Variants in BICD1 observed in about 807,000 individuals in gnomAD.
BICD1 encodes BICD cargo adaptor 1.
In BICD1, 35 loss-of-function variants were observed where a neutral mutation model predicts 92.5. The observed-to-expected ratio is 0.38, with a 90% CI of 0.29 to 0.50. The LOEUF (loss-of-function observed/expected upper bound fraction) is 0.50. Ranked by LOEUF, BICD1 falls within the 20% of genes least tolerant of loss-of-function variation. The pLI is 0.93. For missense variants in BICD1, 950 were observed against 1,189.8 expected (o/e 0.80, Z 2.97); for synonymous variants, 429 against 465.1 (o/e 0.92, Z 1.00).
In BICD1 at chr12:32,293,596, C is replaced by T. The variant is rs1947780486; in HGVS notation, c.427-398C>T. ...CCACCTACCTTGACCTCCCAAAGTG[C>T]TGGGATTACAGGTGTGAGCCACAGC... is the stretch of plus-strand genomic sequence containing the variant. On this transcript the variant is annotated intron_variant, in intron 2 of 9. Coordinates refer to ENST00000652176, the MANE Select transcript of BICD1 (RefSeq NM_001714.4). 2.6e-5 allele frequency among the ~76,000 whole-genome samples: 4 copies of T among 151,952 alleles called. No individual in the cohort carries two copies. In the South Asian group the frequency reaches 8.3e-4, roughly 31 times the overall value.
Position 32,328,328 on chromosome 12 carries a change from A to G in BICD1, c.1873A>G (p.Ile625Val), listed in dbSNP as rs961470910. ...TSDIRKEPMN[I>V]YNLNAIIRDQ... ...TGACATCCGCAAAGAGCCAATGAAT[A>G]TCTACAACCTTAATGCCATAATCCG... Residue 625 changes from isoleucine to valine, a missense_variant, in exon 5 of 10, where the codon ATC becomes GTC. Physicochemically the swap from Ile to Val is conservative, Grantham distance 29. Coordinates refer to ENST00000652176, the MANE Select transcript of BICD1 (RefSeq NM_001714.4). The surrounding 1 kb of genome is among the most constrained non-coding windows in gnomAD (Gnocchi z 4.4). 6 of 1,614,236 alleles carry G rather than the reference A, an allele frequency of 3.7e-6. No homozygotes were observed. The highest frequency in any genetic ancestry group is 3.4e-6 in the Non-Finnish European group (4 of 1,180,034).
chr12:32,138,123 T>A lies in BICD1; in HGVS notation c.213+30579T>A, dbSNP rs376129352. 9.8e-5 allele frequency among the ~76,000 whole-genome samples: 15 copies of A among 152,316 alleles called. No individual in the cohort carries two copies. In the East Asian group the frequency reaches 1.9e-3, roughly 20 times the overall value. On this transcript the variant is annotated intron_variant, in intron 1 of 9. Coordinates refer to ENST00000652176, the MANE Select transcript of BICD1 (RefSeq NM_001714.4). ...CAAATATATAAAGTTTAAAAATAGC[T>A]CGCTTGTGTTCATTGCCTACCACAT...
At chr12:32,330,254 G>A (rs1203517722) in intron 5 of BICD1, among the ~76,000 whole-genome samples, 1 of 152,062 alleles carries the variant, frequency 6.6e-6, no homozygotes, top group Non-Finnish European at 1.5e-5. Context: ...TTTATTTTAT[G>A]TTGTCACTTT....
rs1592692942 is a variant in BICD1 at position 32,337,111 on chromosome 12, G to T, written c.2253-388G>T. 6.6e-6 allele frequency among the ~76,000 whole-genome samples: 1 copy of T among 152,086 alleles called. No individual in the cohort carries two copies. Among genetic ancestry groups the T allele is most frequent in the Admixed American group, 6.6e-5 (1 of 15,254 alleles). On this transcript the variant is annotated intron_variant, in intron 6 of 9. Transcript: ENST00000652176. The surrounding 1 kb of genome is among the most constrained non-coding windows in gnomAD (Gnocchi z 4.7). ...AAAATACAAAAATTAGCTTGGCATG[G>T]TGGCACACTCCTGTAATTCCAGCAA...
intron 1 of BICD1, among the ~76,000 whole-genome samples, chr12:32,152,853 G>C (rs2630578): frequency 0.14 from 21,893 of 152,200 alleles, 1,774 homozygotes; most frequent in East Asian, 0.22. Flanking sequence ...TTATCCAATA[G>C]CTGGATCTGA....
chr12:32,158,137 C>T (rs1943497446), intron 1 of BICD1, among the ~76,000 whole-genome samples: 1 of 139,576 alleles, frequency 7.2e-6, no homozygotes, highest in African/African-American at 2.6e-5. Flanking sequence ...TGGAGTTTCA[C>T]TCTTGTTGCC....
intron 2 of BICD1, among the ~76,000 whole-genome samples, chr12:32,245,846 A>G (rs1304309737): frequency 6.6e-6 from 1 of 151,714 alleles, no homozygotes; most frequent in Non-Finnish European, 1.5e-5. Context: ...TCTGGCCAAC[A>G]TAGTGAAACC....
intron 8 of BICD1, among the ~76,000 whole-genome samples, chr12:32,358,465 A>G (rs12229117): frequency 0.97 from 147,040 of 151,546 alleles, 71,500 homozygotes; most frequent in South Asian, 1. Flanking sequence ...GAGGCCAGGC[A>G]CAGTGGCTCA....
At chr12:32,140,557 A>G (rs1565542026) in intron 1 of BICD1, among the ~76,000 whole-genome samples, 1 of 152,046 alleles carries the variant, frequency 6.6e-6, no homozygotes, top group Non-Finnish European at 1.5e-5. Flanking sequence ...TCTCAGCTCA[A>G]TGCAACCCCG....
At chr12:32,208,878 G>C (rs573778936) in intron 1 of BICD1, among the ~76,000 whole-genome samples, 10 of 151,644 alleles carry the variant, frequency 6.6e-5, no homozygotes, top group African/African-American at 2.2e-4. Flanking sequence ...AGGCTGCAGT[G>C]CAGTGGTGCA....
At chr12:32,132,894 GT>G (rs1296381410) in intron 1 of BICD1, among the ~76,000 whole-genome samples, 2 of 152,168 alleles carry the variant, frequency 1.3e-5, no homozygotes, top group African/African-American at 4.8e-5. Flanking sequence ...AGAGATGATG[GT>G]GGCTTAGACT....
chr12:32,337,658 C>G lies in BICD1; in HGVS notation c.2412C>G (p.Ser804=). 6.2e-7 allele frequency: 1 copy of G among 1,614,092 alleles called. No homozygotes were observed. Among genetic ancestry groups the G allele is most frequent in the Non-Finnish European group, 8.5e-7 (1 of 1,180,022 alleles). Residue 804 remains serine (S), a synonymous_variant, in exon 7 of 10, where the codon TCC becomes TCG. Transcript: ENST00000652176. The surrounding 1 kb of genome is among the most constrained non-coding windows in gnomAD (Gnocchi z 4.7). Reference sequence around the variant, plus strand: ...ACTTAGAGTTTGACCATGAGCAGTCCCGACGCAGCAAAGGCAAACTTGGAA... The same window carrying G: ...ACTTAGAGTTTGACCATGAGCAGTCGCGACGCAGCAAAGGCAAACTTGGAA... ...LEDLEFDHEQ[S]RRSKGKLGKS... is the part of the protein sequence containing the mutation.
At chr12:32,192,303 A>G (rs969588638) in intron 1 of BICD1, among the ~76,000 whole-genome samples, 20 of 151,402 alleles carry the variant, frequency 1.3e-4, no homozygotes, top group Non-Finnish European at 4.4e-5. Flanking sequence ...GCATGGTGGC[A>G]CGTGCCTGTA....
At position 32,316,153 on chromosome 12, in the gene BICD1, A is replaced by G. The variant is rs1214946885; in HGVS notation, c.1005+10031A>G. ...CCTGTCTCAAAAAAAAAAAAAAAAA[A>G]GGCTTTGAGTTAGATGATTTTTGCC... On this transcript the variant is annotated intron_variant, in intron 4 of 9. Transcript: ENST00000652176. 2.8e-5 allele frequency among the ~76,000 whole-genome samples: 4 copies of G among 144,030 alleles called. No homozygotes were observed. In the South Asian group the frequency reaches 9.0e-4, roughly 32 times the overall value. 94.5% of individuals were successfully genotyped at this position (144,030 alleles called of 152,430 possible).
chr12:32,304,255 G>A, intron 3 of BICD1, among the ~76,000 whole-genome samples: 1 of 152,128 alleles, frequency 6.6e-6, no homozygotes, highest in East Asian at 1.9e-4. Context: ...GATGATACTG[G>A]TCAATGTTCC....
chr12:32,351,881 C>G lies in BICD1; in HGVS notation c.2764+12902C>G, dbSNP rs534730201. Among the ~76,000 whole-genome samples the G allele has an allele frequency of 5.8e-4, 87 of 149,826 alleles. 1 individual carries two copies. The highest frequency in any genetic ancestry group is 2.0e-3 in the African/African-American group (80 of 40,594). On this transcript the variant is annotated intron_variant, in intron 8 of 9. Transcript: ENST00000652176. ...CCAAGATGGCGCCACTGCACTCCAG[C>G]CTGGACTACAGAGCGAGACTCTGTC...
At chr12:32,225,946 C>G (rs1945676102) in intron 2 of BICD1, among the ~76,000 whole-genome samples, 1 of 152,000 alleles carries the variant, frequency 6.6e-6, no homozygotes, top group African/African-American at 2.4e-5. Context: ...AAAATTTTAG[C>G]AACTCTAATA....
At position 32,328,278 on chromosome 12, in the gene BICD1, C is replaced by T. The variant is rs751440161; in HGVS notation, c.1823C>T (p.Pro608Leu). The change falls in exon 5 of 10, where the codon CCG (proline) becomes CTG (leucine). Residue 608 changes from proline to leucine, a missense_variant. Pro to Leu is a moderately conservative substitution (Grantham distance 98, BLOSUM62 -3). This residue lies in a region of BICD1 where 309 missense variants were observed against 499.4 expected (regional missense o/e 0.62). Coordinates refer to ENST00000652176, the MANE Select transcript of BICD1 (RefSeq NM_001714.4). The surrounding 1 kb of genome is among the most constrained non-coding windows in gnomAD (Gnocchi z 4.4). ...ATCTCTCCTGTTATTACTGCCCCACCGTCATCTCCAGTATTGGATACAAGT... is the reference window on the plus strand; with the variant it reads ...ATCTCTCCTGTTATTACTGCCCCACTGTCATCTCCAGTATTGGATACAAGT... Reference protein sequence around the residue: ...PTISPVITAPPSSPVLDTSDI... With the variant: ...PTISPVITAPLSSPVLDTSDI... The T allele has an allele frequency of 7.4e-6, 12 of 1,614,094 alleles. No homozygotes were observed. The highest frequency in any genetic ancestry group is 2.7e-5 in the African/African-American group (2 of 74,934).
At chr12:32,346,536 GTATATATATATATATATATATATA>G (rs59893108) in intron 8 of BICD1, among the ~76,000 whole-genome samples, 2,776 of 24,134 alleles carry the variant, frequency 0.12, 564 homozygotes, top group African/African-American at 0.21. Context: ...ATATATACGT[GTATATATATATATATATATATATA>G]TATATATATA....
Sources: gnomAD v4.1 joint callset for allele counts (sites outside exome capture counted in the v4.1 genomes callset) on GRCh38, gnomAD v4.1.1 for gene constraint, gnomAD v4.1.1 regional missense constraint, Gnocchi (gnomAD v3.1) non-coding constraint, MANE v1.5 for transcripts, NCBI Gene and HGNC (gene_info 2026-07-23, HGNC 2026-07-21) for gene names.